Variants in CFAP299 observed in about 807,000 individuals in gnomAD.
CFAP299 encodes cilia- and flagella-associated protein 299.
A neutral mutation model predicts 27.0 loss-of-function variants in CFAP299; 21 were observed. The ratio of observed to expected loss-of-function variants is 0.78; its 90% CI spans 0.55 to 1.12. CFAP299 has a LOEUF of 1.12. CFAP299 is among the 50% of genes most tolerant of loss of function. The probability of loss-of-function intolerance (pLI) is 0.00; values close to 1 mark genes in which losing one functional copy is unlikely to be tolerated. For synonymous variants in CFAP299, 104 were observed against 98.1 expected, an observed-to-expected ratio of 1.06 and a Z score of -0.36; for missense variants, 310 against 276.6, an observed-to-expected ratio of 1.12 and a Z score of -0.86.
intron 4 of CFAP299, among the ~76,000 whole-genome samples, chr4:80,921,027 C>G (rs1223451007): frequency 6.6e-6 from 1 of 151,976 alleles, no homozygotes; most frequent in African/African-American, 2.4e-5. Context: ...GCCTTCTAGT[C>G]TAAGTTTTTG....
intron 2 of CFAP299, among the ~76,000 whole-genome samples, chr4:80,509,822 A>G (rs1732207724): frequency 6.6e-6 from 1 of 152,088 alleles, no homozygotes; most frequent in Admixed American, 6.6e-5. Flanking sequence ...AGTTTATCAC[A>G]AAACTGATTG....
chr4:80,443,498 A>C (rs113785325), intron 2 of CFAP299, among the ~76,000 whole-genome samples: 1 of 152,152 alleles, frequency 6.6e-6, no homozygotes, highest in East Asian at 1.9e-4. Flanking sequence ...TGCTAAAAGC[A>C]CTCAATAAGC....
At chr4:80,814,036 A>G (rs1416411387) in intron 3 of CFAP299, among the ~76,000 whole-genome samples, 2 of 152,014 alleles carry the variant, frequency 1.3e-5, no homozygotes, top group Admixed American at 1.3e-4. Flanking sequence ...CCAACCTGCT[A>G]TGATTGCTTA....
chr4:80,912,032 T>G (rs1735498186), intron 4 of CFAP299, among the ~76,000 whole-genome samples: 1 of 152,126 alleles, frequency 6.6e-6, no homozygotes, highest in African/African-American at 2.4e-5. Context: ...ATTTAATACC[T>G]TCTTTCTTTT....
chr4:80,476,960 C>CGCGCGCGT (rs1553926298), intron 2 of CFAP299, among the ~76,000 whole-genome samples: 10 of 106,680 alleles, frequency 9.4e-5, no homozygotes, highest in Admixed American at 3.5e-4. Context: ...TGTGCGCATG[C>CGCGCGCGT]GTGTGTGTGT....
At chr4:80,583,039 T>C (rs1736248821) in intron 2 of CFAP299, 54 bp from the exon 3 acceptor site, 2 of 1,175,358 alleles carry the variant, frequency 1.7e-6, no homozygotes, top group Admixed American at 2.0e-5. Context: ...CTCCAGAGTG[T>C]TGGAAACATA....
At chr4:80,862,069 A>G (rs1732409986) in intron 3 of CFAP299, among the ~76,000 whole-genome samples, 1 of 152,152 alleles carries the variant, frequency 6.6e-6, no homozygotes, top group African/African-American at 2.4e-5. Context: ...TTCACCGGCA[A>G]TTCAAAATAA....
intron 2 of CFAP299, among the ~76,000 whole-genome samples, chr4:80,447,304 T>G (rs1271322575): frequency 6.7e-6 from 1 of 149,200 alleles, no homozygotes; most frequent in Non-Finnish European, 1.5e-5. Flanking sequence ...CCCGGCTAAT[T>G]TTTTGTATTT....
chr4:80,541,686 T>A (rs116762479), intron 2 of CFAP299, among the ~76,000 whole-genome samples: 114 of 152,338 alleles, frequency 7.5e-4, no homozygotes, highest in African/African-American at 2.5e-3. Flanking sequence ...TTGCTACTTA[T>A]TGGGTATACA....
chr4:80,644,431 C>T (rs576467963), intron 3 of CFAP299, among the ~76,000 whole-genome samples: 123 of 152,180 alleles, frequency 8.1e-4, no homozygotes, highest in African/African-American at 2.9e-3. Context: ...GACTCTGAAA[C>T]ACTCAATATG....
chr4:80,696,293 C>CA (rs10602062), intron 3 of CFAP299, among the ~76,000 whole-genome samples: 1,774 of 128,592 alleles, frequency 0.014, 41 homozygotes, highest in African/African-American at 0.048. Context: ...AGCTCCGTCT[C>CA]AAAAAAAAAA....
the CFAP299 span, among the ~76,000 whole-genome samples, chr4:80,327,702 A>G: frequency 8.6e-3 from 1,168 of 136,132 alleles, 40 homozygotes; most frequent in African/African-American, 0.033. Context: ...ATATATATAT[A>G]TATATATATA....
chr4:80,480,158 C>G (rs566293703), intron 2 of CFAP299, among the ~76,000 whole-genome samples: 3 of 151,970 alleles, frequency 2.0e-5, no homozygotes, highest in African/African-American at 7.2e-5. Flanking sequence ...GATACTTTCT[C>G]ATGGGTTACA....
chr4:80,889,686 G>C (rs1401334801), intron 4 of CFAP299, among the ~76,000 whole-genome samples: 1 of 151,948 alleles, frequency 6.6e-6, no homozygotes, highest in Non-Finnish European at 1.5e-5. Context: ...GAAAACTGCA[G>C]GCCAATATCT....
chr4:80,386,403 C>T, intron 2 of CFAP299: 2 of 1,540,034 alleles, frequency 1.3e-6, no homozygotes, highest in Non-Finnish European at 1.8e-6. Flanking sequence ...CAGACCAGCC[C>T]CTGTGTCCTT....
intron 2 of CFAP299, among the ~76,000 whole-genome samples, chr4:80,443,913 T>C (rs900196758): frequency 1.3e-5 from 2 of 152,096 alleles, no homozygotes; most frequent in Admixed American, 6.5e-5. Context: ...AAATCATGAG[T>C]GAACTGCCAT....
At chr4:80,866,611 A>G (rs749125008) in intron 3 of CFAP299, among the ~76,000 whole-genome samples, 97 of 152,272 alleles carry the variant, frequency 6.4e-4, no homozygotes, top group Middle Eastern at 3.4e-3. Context: ...AATGAATCTA[A>G]GTGAGACATT....
intron 4 of CFAP299, among the ~76,000 whole-genome samples, chr4:80,903,380 C>A (rs180940038): frequency 7.6e-4 from 116 of 151,946 alleles, no homozygotes; most frequent in African/African-American, 2.7e-3. Flanking sequence ...ATTTCTAGTT[C>A]TTTCTCAGTT....
chr4:80,416,736 T>C (rs1366552691), intron 2 of CFAP299, among the ~76,000 whole-genome samples: 2 of 152,200 alleles, frequency 1.3e-5, no homozygotes, highest in Non-Finnish European at 2.9e-5. Flanking sequence ...ATAATCTCCC[T>C]GCATATAAAT....
Sources: allele counts gnomAD v4.1 joint callset (sites outside exome capture counted in the v4.1 genomes callset), GRCh38; gene constraint gnomAD v4.1.1; transcripts MANE v1.5; gene names NCBI Gene and HGNC (gene_info 2026-07-23, HGNC 2026-07-21).